Variants in LRCH3 observed in about 807,000 individuals in gnomAD.
LRCH3 encodes the protein DISP complex protein LRCH3.
A neutral mutation model predicts 104.5 loss-of-function variants in LRCH3; 68 were observed. The ratio of observed to expected loss-of-function variants is 0.65; its 90% CI spans 0.54 to 0.80. LRCH3 has a LOEUF of 0.80. Among genes scored for constraint, LRCH3 ranks in the 30% least tolerant of loss-of-function variants. The pLI is 0.00. For missense variants in LRCH3, 951 were observed against 953.9 expected (o/e 1.00, Z 0.04); for synonymous variants, 344 against 361.3 (o/e 0.95, Z 0.54).
intron 13 of LRCH3, among the ~76,000 whole-genome samples, chr3:197,852,870 ACCGTCC>A (rs770329935): frequency 1.3e-5 from 2 of 152,098 alleles, no homozygotes; most frequent in African/African-American, 2.4e-5. Flanking sequence ...CACCAGAGGC[ACCGTCC>A]CCGTCTCCTC....
chr3:197,825,669 C>T (rs549728882), intron 4 of LRCH3, among the ~76,000 whole-genome samples: 15 of 151,126 alleles, frequency 9.9e-5, no homozygotes, highest in African/African-American at 2.7e-4. Flanking sequence ...TTAGTAGAGA[C>T]GGGGTCTCAC....
intron 1 of LRCH3, among the ~76,000 whole-genome samples, chr3:197,795,834 AG>A (rs888954205): frequency 2.6e-5 from 4 of 151,542 alleles, no homozygotes; most frequent in Non-Finnish European, 5.9e-5. Flanking sequence ...CTGGGACTAC[AG>A]GCGCCCACCA....
At chr3:197,838,812 T>C (rs1022266139) in intron 9 of LRCH3, among the ~76,000 whole-genome samples, 1 of 152,238 alleles carries the variant, frequency 6.6e-6, no homozygotes, top group Non-Finnish European at 1.5e-5. Context: ...TTTGTCTTGA[T>C]ATTCACCGAC....
chr3:197,824,865 T>C (rs540490261), intron 4 of LRCH3, among the ~76,000 whole-genome samples: 19 of 151,414 alleles, frequency 1.3e-4, no homozygotes, highest in Admixed American at 5.3e-4. Context: ...CCACTGCACC[T>C]GGCCTGCTGC....
chr3:197,809,303 A>G lies in LRCH3; in HGVS notation c.263-5605A>G, dbSNP rs7631018. Among the ~76,000 whole-genome samples the G allele has an allele frequency of 8.2e-3, 1,250 of 152,212 alleles. 14 individuals carry two copies. Among genetic ancestry groups the G allele is most frequent in the African/African-American group, 0.028 (1,178 of 41,554 alleles). ...ACAGAGTGAGACCCTGTCTAAAAAA[A>G]AAAAAAGGACTTTTTTTCTCTGTCT... On this transcript the variant is annotated intron_variant, in intron 1 of 20. Coordinates refer to ENST00000425562, the MANE Select transcript of LRCH3 (RefSeq NM_001365715.1).
chr3:197,870,029 G>T (rs1303009467), intron 17 of LRCH3, 131 bp from the exon 18 acceptor site: 1 of 854,154 alleles, frequency 1.2e-6, no homozygotes, highest in African/African-American at 1.7e-5. Flanking sequence ...GAGGTAGAAA[G>T]CGATGCACTG....
intron 4 of LRCH3, among the ~76,000 whole-genome samples, chr3:197,825,464 A>ATTTTTTTTTTTTTTTTTTTG (rs1735061732): frequency 5.0e-5 from 1 of 20,034 alleles, no homozygotes; most frequent in Non-Finnish European, 9.3e-5. Flanking sequence ...ATCCTCTTTG[A>ATTTTTTTTTTTTTTTTTTTG]TTTTTTTTTT....
Position 197,824,653 on chromosome 3 carries a change from G to GC in LRCH3, c.641-2218dup, listed in dbSNP as rs1252219387. Among the ~76,000 whole-genome samples, 15 of 147,516 alleles carry GC rather than the reference G, an allele frequency of 1.0e-4. 2 individuals carry two copies. The highest frequency in any genetic ancestry group is 4.3e-4 in the South Asian group (2 of 4,640). On this transcript the variant is annotated intron_variant, in intron 4 of 20. Coordinates refer to ENST00000425562, the MANE Select transcript of LRCH3 (RefSeq NM_001365715.1). ...GCGATCTCGGCTCACGGTAACCTCT[G>GC]CCCCCCCGTCCCGGGTTCAAGTGAT...
At chr3:197,857,021 T>G (rs559371637) in intron 14 of LRCH3, among the ~76,000 whole-genome samples, 1 of 152,208 alleles carries the variant, frequency 6.6e-6, no homozygotes, top group Admixed American at 6.5e-5. Context: ...GGGCTGCCCC[T>G]CAAGCTTCTA....
chr3:197,851,073 G>C (rs1320721577), intron 12 of LRCH3: 2 of 631,688 alleles, frequency 3.2e-6, no homozygotes, highest in Non-Finnish European at 5.8e-6. Flanking sequence ...GAAGTGGCAG[G>C]ATTAAAATCC....
At chr3:197,838,605 G>C (rs1412173651) in intron 9 of LRCH3, among the ~76,000 whole-genome samples, 1 of 152,078 alleles carries the variant, frequency 6.6e-6, no homozygotes, top group Non-Finnish European at 1.5e-5. Flanking sequence ...GTTTTCCTTT[G>C]ATAACCTTTA....
At chr3:197,855,301 T>C (rs1740102395) in intron 14 of LRCH3, among the ~76,000 whole-genome samples, 1 of 152,208 alleles carries the variant, frequency 6.6e-6, no homozygotes. Flanking sequence ...AACTGGGCGG[T>C]CTTATAGGTG....
rs1294154978 is a variant in LRCH3 at position 197,854,989 on chromosome 3, CT to C, written c.1644+545del. 2.0e-5 allele frequency among the ~76,000 whole-genome samples: 3 copies of C among 152,202 alleles called. No homozygotes were observed. Among genetic ancestry groups the C allele is most frequent in the African/African-American group, 7.2e-5 (3 of 41,446 alleles). On this transcript the variant is annotated intron_variant, in intron 14 of 20. Coordinates refer to ENST00000425562, the MANE Select transcript of LRCH3 (RefSeq NM_001365715.1). This position sits in a 1 kb window ranked among gnomAD's most constrained non-coding sequence, Gnocchi z 4.5. ...TTGAACACTGGCTTACTTTTATTGC[CT>C]GTTTCATCAGCTCAAAATGAGTATA...
chr3:197,857,934 C>A (rs1263474873), intron 14 of LRCH3, among the ~76,000 whole-genome samples: 1 of 152,108 alleles, frequency 6.6e-6, no homozygotes, highest in Admixed American at 6.5e-5. Flanking sequence ...ATATACATAC[C>A]TTTTCCTAAA....
intron 5 of LRCH3, among the ~76,000 whole-genome samples, chr3:197,827,312 A>C (rs1475087715): frequency 6.6e-6 from 1 of 152,044 alleles, no homozygotes; most frequent in Admixed American, 6.6e-5. Flanking sequence ...TGGAAGCATC[A>C]GGTAAACCAT....
chr3:197,853,733 C>G lies in LRCH3; in HGVS notation c.1591-659C>G, dbSNP rs558835454. On this transcript the variant is annotated intron_variant, in intron 13 of 20. Transcript: ENST00000425562. ...TTAAAAAGTTTTATCAGACATAGAA[C>G]TACTTCTGTTTTTTTATGTTAGAAC... Among the ~76,000 whole-genome samples the G allele has an allele frequency of 5.3e-5, 8 of 152,196 alleles. No individual in the cohort carries two copies. In the South Asian group the frequency reaches 1.7e-3, roughly 32 times the overall value.
At chr3:197,881,991 G>A in intron 20 of LRCH3, 1 of 985,446 alleles carries the variant, frequency 1.0e-6, no homozygotes, top group Non-Finnish European at 1.2e-6. Context: ...TTCTGTGTCA[G>A]TAGGTGCCTT....
At position 197,791,334 on chromosome 3, in the gene LRCH3, T is replaced by A; in HGVS notation, c.56T>A (p.Val19Glu). 1.2e-6 allele frequency: 2 copies of A among 1,609,042 alleles called. No individual in the cohort carries two copies. Among genetic ancestry groups the A allele is most frequent in the Non-Finnish European group, 1.7e-6 (2 of 1,178,688 alleles). Residue 19 changes from valine to glutamate, a missense_variant, in exon 1 of 21, where the codon GTA (valine) becomes GAA (glutamate). Transcript: ENST00000425562. The part of the protein sequence containing the change: ...VAAAAEYSGT[V>E]ASGGNLPGVH... ...GCGGCTGCCGAGTACTCTGGCACGGTAGCGTCGGGAGGTAACCTCCCTGGT... is the reference window on the plus strand; with the variant it reads ...GCGGCTGCCGAGTACTCTGGCACGGAAGCGTCGGGAGGTAACCTCCCTGGT...
chr3:197,851,240 G>A (rs1018525881), intron 12 of LRCH3, among the ~76,000 whole-genome samples: 5 of 152,190 alleles, frequency 3.3e-5, no homozygotes, highest in Admixed American at 1.3e-4. Context: ...AAGTCACACA[G>A]CCAGTAAGAG....
Sources: gnomAD v4.1 joint callset for allele counts (sites outside exome capture counted in the v4.1 genomes callset) on GRCh38, gnomAD v4.1.1 for gene constraint, Gnocchi (gnomAD v3.1) non-coding constraint, MANE v1.5 for transcripts, NCBI Gene and HGNC (gene_info 2026-07-23, HGNC 2026-07-21) for gene names.